The following CPEB3 variants were observed in gnomAD, a reference collection of about 807,000 sequenced individuals.
CPEB3 encodes cytoplasmic polyadenylation element-binding protein 3.
A neutral mutation model predicts 67.2 loss-of-function variants in CPEB3; 20 were observed. The ratio of observed to expected loss-of-function variants is 0.30; its 90% CI spans 0.21 to 0.43. CPEB3 has a LOEUF of 0.43. Among genes scored for constraint, CPEB3 ranks in the 20% least tolerant of loss-of-function variants. CPEB3 has a pLI of 1.00. For missense variants in CPEB3, 746 were observed against 968.6 expected, an observed-to-expected ratio of 0.77 and a Z score of 3.05; for synonymous variants, 376 against 393.1, an observed-to-expected ratio of 0.96 and a Z score of 0.51.
chr10:92,142,692 C>T (rs1590229887), intron 6 of CPEB3, among the ~76,000 whole-genome samples: 1 of 152,308 alleles, frequency 6.6e-6, no homozygotes, highest in East Asian at 1.9e-4. Context: ...CAAATAAAAT[C>T]TGACCCTAAA....
At chr10:92,165,445 A>G (rs1269891363) in intron 4 of CPEB3, among the ~76,000 whole-genome samples, 1 of 109,270 alleles carries the variant, frequency 9.2e-6, no homozygotes, top group Admixed American at 1.4e-4. Context: ...TCTTCCCTCC[A>G]TGTGGATTGT....
intron 4 of CPEB3, among the ~76,000 whole-genome samples, chr10:92,176,588 ACCTATC>A (rs1848229336): frequency 6.6e-6 from 1 of 152,214 alleles, no homozygotes; most frequent in Non-Finnish European, 1.5e-5. Flanking sequence ...CTGCTTTTGT[ACCTATC>A]AAGCAACTTT....
At chr10:92,108,811 A>ACT (rs1844593266) in intron 7 of CPEB3, among the ~76,000 whole-genome samples, 1 of 152,226 alleles carries the variant, frequency 6.6e-6, no homozygotes, top group Non-Finnish European at 1.5e-5. Flanking sequence ...ATTATTTTCA[A>ACT]AAGTCCTTCA....
At chr10:92,173,819 T>G (rs1029396540) in intron 4 of CPEB3, among the ~76,000 whole-genome samples, 2 of 152,222 alleles carry the variant, frequency 1.3e-5, no homozygotes, top group African/African-American at 4.8e-5. Flanking sequence ...TTGGAAGTCA[T>G]GGAACATTAC....
At chr10:92,096,673 G>T (rs1014001327) in intron 7 of CPEB3, among the ~76,000 whole-genome samples, 5 of 152,182 alleles carry the variant, frequency 3.3e-5, no homozygotes, top group African/African-American at 1.2e-4. Context: ...GCCAGGTGCA[G>T]TCGCTCATTT....
At chr10:92,209,182 A>T (rs1043713856) in intron 2 of CPEB3, among the ~76,000 whole-genome samples, 2 of 152,212 alleles carry the variant, frequency 1.3e-5, no homozygotes, top group East Asian at 3.9e-4. Context: ...TTTAAAAAAA[A>T]ATTCTGTGAT....
At chr10:92,269,786 G>C (rs1292763173) in intron 1 of CPEB3, among the ~76,000 whole-genome samples, 1 of 152,088 alleles carries the variant, frequency 6.6e-6, no homozygotes, top group African/African-American at 2.4e-5. Flanking sequence ...TTGAACTCCT[G>C]ACCTCAGGTG....
intron 9 of CPEB3, among the ~76,000 whole-genome samples, chr10:92,073,200 G>A (rs1271799459): frequency 2.0e-5 from 3 of 151,768 alleles, no homozygotes; most frequent in Non-Finnish European, 4.4e-5. Flanking sequence ...ACTATGCACT[G>A]CTAATTTTTT....
At chr10:92,118,629 T>C in intron 6 of CPEB3, 1 of 535,290 alleles carries the variant, frequency 1.9e-6, no homozygotes, top group South Asian at 1.9e-5. Context: ...ATTAAAGAGA[T>C]GTAACAACTG....
At chr10:92,152,431 G>C (rs2133891760) in intron 4 of CPEB3, among the ~76,000 whole-genome samples, 1 of 152,286 alleles carries the variant, frequency 6.6e-6, no homozygotes, top group African/African-American at 2.4e-5. Flanking sequence ...TTAGTGTAAT[G>C]TTTTCGAGGT....
chr10:92,158,992 T>C (rs999857840), intron 4 of CPEB3, among the ~76,000 whole-genome samples: 72 of 152,246 alleles, frequency 4.7e-4, no homozygotes, highest in South Asian at 2.1e-4. Context: ...CTGGGTGTGG[T>C]GGCTCACACC....
intron 6 of CPEB3, chr10:92,119,194 A>G: frequency 6.3e-7 from 1 of 1,581,834 alleles, no homozygotes; most frequent in Non-Finnish European, 8.7e-7. Context: ...TCATATTCCT[A>G]CACATTATTA....
chr10:92,230,965 A>G (rs369074459), intron 2 of CPEB3, among the ~76,000 whole-genome samples: 8 of 152,232 alleles, frequency 5.3e-5, no homozygotes, highest in African/African-American at 1.9e-4. Context: ...AGGAGATTCA[A>G]ATTAGACCTT....
At chr10:92,154,712 T>C (rs1847122311) in intron 4 of CPEB3, among the ~76,000 whole-genome samples, 1 of 152,210 alleles carries the variant, frequency 6.6e-6, no homozygotes, top group African/African-American at 2.4e-5. Flanking sequence ...AATCTCATCT[T>C]TAAGCCTTCT....
chr10:92,119,178 C>T, intron 6 of CPEB3: 2 of 1,583,152 alleles, frequency 1.3e-6, no homozygotes, highest in South Asian at 2.2e-5. Flanking sequence ...ACGGAGGTTC[C>T]CAGCATCATA....
At chr10:92,216,391 G>C in intron 2 of CPEB3, 1 of 1,612,634 alleles carries the variant, frequency 6.2e-7, no homozygotes, top group Non-Finnish European at 8.5e-7. Flanking sequence ...TGTGTTCCGG[G>C]GAGCGCACCT....
intron 6 of CPEB3, among the ~76,000 whole-genome samples, chr10:92,112,708 C>T (rs1295811500): frequency 6.6e-6 from 1 of 152,242 alleles, no homozygotes; most frequent in Non-Finnish European, 1.5e-5. Context: ...TCTAAGCTTT[C>T]AACTTCTCTA....
chr10:92,139,108 T>C (rs1320230388), intron 6 of CPEB3, among the ~76,000 whole-genome samples: 1 of 151,720 alleles, frequency 6.6e-6, no homozygotes, highest in Admixed American at 6.6e-5. Flanking sequence ...AGAAACCCCA[T>C]CTCTACTAAA....
At chr10:92,153,606 C>A (rs1036873053) in intron 4 of CPEB3, among the ~76,000 whole-genome samples, 3 of 152,064 alleles carry the variant, frequency 2.0e-5, no homozygotes, top group Non-Finnish European at 4.4e-5. Context: ...CATGGAGAAA[C>A]CCCATCTCTA....
Sources: gnomAD v4.1 joint callset for allele counts (sites outside exome capture counted in the v4.1 genomes callset) on GRCh38, gnomAD v4.1.1 for gene constraint, MANE v1.5 for transcripts, NCBI Gene and HGNC (gene_info 2026-07-23, HGNC 2026-07-21) for gene names.